The following MSRA variants were observed in gnomAD, a reference collection of about 807,000 sequenced individuals.
MSRA encodes the protein methionine sulfoxide reductase A.
MSRA carries 54 observed loss-of-function variants against 31.3 expected under a neutral mutation model. The observed-to-expected ratio is 1.73, with a 90% confidence interval of 1.39 to 2.17. The LOEUF (loss-of-function observed/expected upper bound fraction) is 2.17. Ranked by LOEUF, MSRA falls within the 30% of genes most tolerant of loss-of-function variation. MSRA has a pLI of 0.00. For synonymous variants in MSRA, 169 were observed against 116.5 expected, an observed-to-expected ratio of 1.45 and a Z score of -2.90; for missense variants, 507 against 300.9, an observed-to-expected ratio of 1.69 and a Z score of -5.07.
intron 1 of MSRA, among the ~76,000 whole-genome samples, chr8:10,135,919 A>C (rs141779488): frequency 2.0e-5 from 3 of 152,292 alleles, no homozygotes; most frequent in African/African-American, 7.2e-5. Context: ...TTTATCTAAT[A>C]ATCACAGAAC....
chr8:10,368,089 C>T (rs1805271028), intron 5 of MSRA, among the ~76,000 whole-genome samples: 1 of 152,120 alleles, frequency 6.6e-6, no homozygotes, highest in South Asian at 2.1e-4. Context: ...CAGAGCCAGG[C>T]ACAGCAGAAT....
At chr8:10,090,773 T>C (rs1029324628) in intron 1 of MSRA, among the ~76,000 whole-genome samples, 3 of 152,222 alleles carry the variant, frequency 2.0e-5, no homozygotes, top group African/African-American at 7.2e-5. Flanking sequence ...TTCATATATA[T>C]AGAATCATAC....
In MSRA at chr8:10,174,161, A is replaced by G. The variant is rs189443695; in HGVS notation, c.143-33672A>G. ...GTTAGAAGCAGCCTTAGCTGTCTGCACATTCCAAACAGGGATTTGAGTATT... is the reference window on the plus strand; with the variant it reads ...GTTAGAAGCAGCCTTAGCTGTCTGCGCATTCCAAACAGGGATTTGAGTATT... On this transcript the variant is annotated intron_variant, in intron 1 of 5. Coordinates refer to ENST00000317173, the MANE Select transcript of MSRA (RefSeq NM_012331.5). Among the ~76,000 whole-genome samples, 577 of 152,334 alleles carry G rather than the reference A, an allele frequency of 3.8e-3. 5 individuals are homozygous for G. Among genetic ancestry groups the G allele is most frequent in the Non-Finnish European group, 6.6e-3 (450 of 68,030 alleles).
chr8:10,148,656 A>G (rs992919270), intron 1 of MSRA, among the ~76,000 whole-genome samples: 2 of 151,826 alleles, frequency 1.3e-5, no homozygotes, highest in Non-Finnish European at 2.9e-5. Context: ...TAAAAAAAAA[A>G]AAACGGGAAT....
At chr8:10,131,346 G>C (rs1430459715) in intron 1 of MSRA, among the ~76,000 whole-genome samples, 1 of 152,196 alleles carries the variant, frequency 6.6e-6, no homozygotes, top group African/African-American at 2.4e-5. Context: ...AAGCTACATA[G>C]ACAAAAGAGT....
intron 5 of MSRA, among the ~76,000 whole-genome samples, chr8:10,417,443 C>CACACACACACAA: frequency 6.6e-6 from 1 of 151,916 alleles, no homozygotes; most frequent in South Asian, 2.1e-4. Context: ...CACACACACA[C>CACACACACACAA]ACATACGCAC....
At chr8:10,333,071 G>A (rs1018362312) in intron 5 of MSRA, among the ~76,000 whole-genome samples, 2 of 94,612 alleles carry the variant, frequency 2.1e-5, no homozygotes, top group Admixed American at 2.5e-4. Flanking sequence ...CAGCATTCTT[G>A]TGAGGATCAA....
At chr8:10,182,986 G>C (rs1806677618) in intron 1 of MSRA, among the ~76,000 whole-genome samples, 1 of 152,158 alleles carries the variant, frequency 6.6e-6, no homozygotes, top group Admixed American at 6.5e-5. Flanking sequence ...ATAATACTGT[G>C]TAGACCAAGT....
At chr8:10,068,459 T>C (rs992772100) in intron 1 of MSRA, among the ~76,000 whole-genome samples, 7 of 152,254 alleles carry the variant, frequency 4.6e-5, no homozygotes, top group African/African-American at 1.4e-4. Flanking sequence ...CATTTAGCTA[T>C]GTGATCCATT....
intron 5 of MSRA, among the ~76,000 whole-genome samples, chr8:10,393,872 G>C (rs1363935998): frequency 6.6e-6 from 1 of 152,230 alleles, no homozygotes; most frequent in African/African-American, 2.4e-5. Context: ...CTTTGTGCAT[G>C]TACATGCATA....
intron 1 of MSRA, among the ~76,000 whole-genome samples, chr8:10,099,040 G>A (rs1019505693): frequency 2.0e-4 from 31 of 152,136 alleles, no homozygotes; most frequent in African/African-American, 6.5e-4. Flanking sequence ...AGGGGGTGTG[G>A]TGTATTTTAA....
chr8:10,222,998 A>T (rs543372596), intron 2 of MSRA, among the ~76,000 whole-genome samples: 8 of 152,204 alleles, frequency 5.3e-5, no homozygotes, highest in Admixed American at 1.3e-4. Flanking sequence ...GTGTAAGGTG[A>T]TAGGTATGTT....
intron 1 of MSRA, among the ~76,000 whole-genome samples, chr8:10,109,350 T>A (rs1325673371): frequency 6.6e-6 from 1 of 152,010 alleles, no homozygotes; most frequent in South Asian, 2.1e-4. Context: ...TTCTTTTTTT[T>A]TTTTATTTGG....
At chr8:10,233,934 G>A (rs1811712741) in intron 2 of MSRA, among the ~76,000 whole-genome samples, 1 of 152,112 alleles carries the variant, frequency 6.6e-6, no homozygotes, top group Admixed American at 6.5e-5. Context: ...ACTGTAGAAA[G>A]AAAAGACATT....
At chr8:10,183,285 C>G (rs1294690370) in intron 1 of MSRA, among the ~76,000 whole-genome samples, 3 of 152,194 alleles carry the variant, frequency 2.0e-5, no homozygotes, top group African/African-American at 7.2e-5. Context: ...AGGCTTAGGA[C>G]CAAGGCTGTG....
At chr8:10,106,309 T>G (rs541060896) in intron 1 of MSRA, among the ~76,000 whole-genome samples, 6 of 152,312 alleles carry the variant, frequency 3.9e-5, no homozygotes, top group African/African-American at 1.4e-4. Flanking sequence ...GAGCCTCCCT[T>G]CAGCATATAG....
intron 1 of MSRA, among the ~76,000 whole-genome samples, chr8:10,175,315 A>G (rs1391175869): frequency 1.3e-5 from 2 of 152,228 alleles, no homozygotes; most frequent in Non-Finnish European, 2.9e-5. Context: ...GTATATGCTC[A>G]GTGTTCCCTT....
intron 3 of MSRA, among the ~76,000 whole-genome samples, chr8:10,279,713 C>G (rs1022183962): frequency 6.6e-6 from 1 of 152,186 alleles, no homozygotes; most frequent in African/African-American, 2.4e-5. Context: ...ATTTTGTGAG[C>G]TATTGAGCAA....
chr8:10,169,309 C>T (rs1202253495), intron 1 of MSRA, among the ~76,000 whole-genome samples: 1 of 152,160 alleles, frequency 6.6e-6, no homozygotes, highest in African/African-American at 2.4e-5. Flanking sequence ...ACAATACTTG[C>T]CTTAACTGAG....
Sources: allele counts gnomAD v4.1 joint callset (sites outside exome capture counted in the v4.1 genomes callset), GRCh38; gene constraint gnomAD v4.1.1; transcripts MANE v1.5; gene names NCBI Gene and HGNC (gene_info 2026-07-23, HGNC 2026-07-21).